The following ADAMTS19 variants were observed in gnomAD, a reference collection of about 807,000 sequenced individuals.
The protein encoded by ADAMTS19 is A disintegrin and metalloproteinase with thrombospondin motifs 19.
In ADAMTS19, 93 loss-of-function variants were observed where a neutral mutation model predicts 153.3. The observed-to-expected ratio is 0.61, with a 90% CI of 0.51 to 0.72. The LOEUF is 0.72. Among genes scored for constraint, ADAMTS19 ranks in the 30% least tolerant of loss-of-function variants. The probability of loss-of-function intolerance (pLI) is 0.00; values close to 1 mark genes in which losing one functional copy is unlikely to be tolerated. For missense variants in ADAMTS19, 1,482 were observed against 1,552.1 expected (o/e 0.95, Z 0.76); for synonymous variants, 600 against 556.6 (o/e 1.08, Z -1.10).
intron 7 of ADAMTS19, among the ~76,000 whole-genome samples, chr5:129,564,122 G>A (rs775874691): frequency 3.9e-5 from 6 of 151,946 alleles, no homozygotes; most frequent in Non-Finnish European, 8.8e-5. Flanking sequence ...CGTTCCAGGT[G>A]AAACTCTTAA....
chr5:129,664,946 C>T (rs558703827), intron 15 of ADAMTS19, among the ~76,000 whole-genome samples: 1 of 152,180 alleles, frequency 6.6e-6, no homozygotes, highest in South Asian at 2.1e-4. Flanking sequence ...AGAAATGACC[C>T]TAGATTGCTT....
At chr5:129,662,888 ATTTTTTTTTTT>A (rs3049499) in intron 15 of ADAMTS19, among the ~76,000 whole-genome samples, 1 of 92,888 alleles carries the variant, frequency 1.1e-5, no homozygotes, top group Non-Finnish European at 2.0e-5. Context: ...ATTCTTCTTC[ATTTTTTTTTTT>A]TTTTTTTTTT....
intron 2 of ADAMTS19, among the ~76,000 whole-genome samples, chr5:129,489,989 T>G (rs980390147): frequency 6.6e-6 from 1 of 152,202 alleles, no homozygotes; most frequent in African/African-American, 2.4e-5. Flanking sequence ...TGCTACCTAT[T>G]AGGTACTTTG....
intron 7 of ADAMTS19, among the ~76,000 whole-genome samples, chr5:129,591,550 C>T (rs757668992): frequency 2.0e-4 from 31 of 152,056 alleles, no homozygotes; most frequent in Admixed American, 6.6e-5. Context: ...GCCTCAGCCT[C>T]CCAAAGTGCT....
chr5:129,612,329 A>G (rs1351534459), intron 8 of ADAMTS19, among the ~76,000 whole-genome samples: 5 of 151,880 alleles, frequency 3.3e-5, no homozygotes, highest in Admixed American at 6.6e-5. Flanking sequence ...GCTGCATAGT[A>G]TTCCATGGTG....
chr5:129,477,654 C>T (rs1750269098), intron 2 of ADAMTS19, among the ~76,000 whole-genome samples: 1 of 152,188 alleles, frequency 6.6e-6, no homozygotes, highest in Admixed American at 6.5e-5. Context: ...ATAGTTAGCT[C>T]TGTTGTAGTA....
At chr5:129,484,243 A>G (rs536497580) in intron 2 of ADAMTS19, among the ~76,000 whole-genome samples, 1 of 152,350 alleles carries the variant, frequency 6.6e-6, no homozygotes, top group Admixed American at 6.5e-5. Context: ...AGATATAAAT[A>G]TAGGTAACAC....
At chr5:129,466,010 T>C (rs183393376) in intron 2 of ADAMTS19, among the ~76,000 whole-genome samples, 49 of 152,274 alleles carry the variant, frequency 3.2e-4, no homozygotes, top group Admixed American at 9.2e-4. Flanking sequence ...GGAAAGGCAA[T>C]GCAGTGAGCA....
At chr5:129,714,276 G>C (rs888755241) in intron 21 of ADAMTS19, among the ~76,000 whole-genome samples, 11 of 150,568 alleles carry the variant, frequency 7.3e-5, no homozygotes, top group Non-Finnish European at 1.5e-4. Flanking sequence ...AAAATTAGCC[G>C]GGCGCGGTGG....
chr5:129,584,646 G>A (rs953377274), intron 7 of ADAMTS19, among the ~76,000 whole-genome samples: 1 of 152,184 alleles, frequency 6.6e-6, no homozygotes, highest in Non-Finnish European at 1.5e-5. Flanking sequence ...TTGCAGAGCT[G>A]AGATGTGGGC....
At chr5:129,705,631 A>G (rs553094857) in intron 21 of ADAMTS19, among the ~76,000 whole-genome samples, 2 of 152,370 alleles carry the variant, frequency 1.3e-5, no homozygotes, top group African/African-American at 4.8e-5. Flanking sequence ...ATCCATGGGA[A>G]TTTTGACTGG....
chr5:129,654,341 A>G lies in ADAMTS19; in HGVS notation c.2212A>G (p.Lys738Glu), dbSNP rs1358516322. 1 of 1,612,850 alleles carries G rather than the reference A, an allele frequency of 6.2e-7. No individual in the cohort carries two copies. The highest frequency in any genetic ancestry group is 1.7e-5 in the Admixed American group (1 of 59,900). The change falls in exon 14 of 23, where the codon AAA (lysine) becomes GAA (glutamate). Residue 738 changes from lysine (K) to glutamate (E), a missense_variant. By Grantham distance (56) the Lys-to-Glu change is moderately conservative. Coordinates refer to ENST00000274487, the MANE Select transcript of ADAMTS19 (RefSeq NM_133638.6). ...TGCCTTGTTTTGCTCTCCTGTTGGA[A>G]AAGAACAGCCTATTCTTCTATCAGA... is the stretch of plus-strand genomic sequence containing the variant. ...PCALFCSPVG[K>E]EQPILLSEKV...
intron 8 of ADAMTS19, among the ~76,000 whole-genome samples, chr5:129,607,314 A>C (rs1005068807): frequency 6.6e-5 from 10 of 152,218 alleles, no homozygotes; most frequent in Non-Finnish European, 1.5e-4. Context: ...ATATTTACCT[A>C]TATATAGGTT....
intron 18 of ADAMTS19, chr5:129,688,340 G>A (rs756431723): frequency 2.0e-4 from 30 of 151,966 alleles, no homozygotes; most frequent in Middle Eastern, 3.2e-3. Flanking sequence ...AGTATCACAG[G>A]GCAGTATAAA....
At chr5:129,545,702 G>A (rs1162742017) in intron 6 of ADAMTS19, among the ~76,000 whole-genome samples, 61 of 146,896 alleles carry the variant, frequency 4.2e-4, no homozygotes, top group African/African-American at 9.0e-4. Context: ...TCTCACACCA[G>A]TTAGAATGGC....
chr5:129,466,843 C>A (rs1749879451), intron 2 of ADAMTS19, among the ~76,000 whole-genome samples: 1 of 152,188 alleles, frequency 6.6e-6, no homozygotes, highest in Admixed American at 6.5e-5. Flanking sequence ...TCTGGATGAT[C>A]CTTGCTCAGC....
At chr5:129,472,883 C>T (rs1209942814) in intron 2 of ADAMTS19, among the ~76,000 whole-genome samples, 1 of 151,258 alleles carries the variant, frequency 6.6e-6, no homozygotes, top group Non-Finnish European at 1.5e-5. Context: ...TACCTTCAGA[C>T]TGAAAGGGAC....
chr5:129,548,950 C>T (rs1752965010), intron 6 of ADAMTS19, among the ~76,000 whole-genome samples: 2 of 143,634 alleles, frequency 1.4e-5, no homozygotes, highest in African/African-American at 5.2e-5. Context: ...AGCACATGTT[C>T]TCACTCATAG....
chr5:129,501,809 A>G (rs1561541066), intron 2 of ADAMTS19, among the ~76,000 whole-genome samples: 1 of 152,140 alleles, frequency 6.6e-6, no homozygotes. Context: ...CTATTATTAT[A>G]TTATTGTTTT....
Sources: gnomAD v4.1 joint callset for allele counts (sites outside exome capture counted in the v4.1 genomes callset) on GRCh38, gnomAD v4.1.1 for gene constraint, MANE v1.5 for transcripts, NCBI Gene and HGNC (gene_info 2026-07-23, HGNC 2026-07-21) for gene names.